Variants in LRRC9 observed in about 807,000 individuals in gnomAD.
LRRC9 encodes leucine rich repeat containing 9.
Under a neutral mutation model 63.2 loss-of-function variants are expected in LRRC9, and 122 were observed. That is an observed-to-expected ratio of 1.93 (90% CI 1.67 to 2.24). The LOEUF (loss-of-function observed/expected upper bound fraction) is 2.24, where lower values mean the gene tolerates loss of function less well. LRRC9 is among the 30% of genes most tolerant of loss of function. LRRC9 has a pLI of 0.00. For missense variants in LRRC9, 1,071 were observed against 627.7 expected, an observed-to-expected ratio of 1.71 and a Z score of -7.55; for synonymous variants, 366 against 213.1, an observed-to-expected ratio of 1.72 and a Z score of -6.25.
intron 8 of LRRC9, among the ~76,000 whole-genome samples, chr14:59,954,952 A>AT (rs1883572487): frequency 1.3e-5 from 2 of 152,090 alleles, no homozygotes; most frequent in Non-Finnish European, 2.9e-5. Flanking sequence ...ATGTGTATTG[A>AT]TTTGCTTATG....
intron 28 of LRRC9, chr14:60,030,478 C>A (rs1460401971): frequency 6.6e-6 from 1 of 152,062 alleles, no homozygotes; most frequent in South Asian, 2.1e-4. Context: ...CCCTACCTGG[C>A]ATCCAGCTAC....
In LRRC9 at chr14:59,969,135, T is replaced by C. The variant is rs532252411; in HGVS notation, c.1506+1922T>C. ...TTGATATTTTATTTTGATATTTTGATATTTTATTTTGAAAGTTTTAAATAT... is the reference window on the plus strand; with the variant it reads ...TTGATATTTTATTTTGATATTTTGACATTTTATTTTGAAAGTTTTAAATAT... On this transcript the variant is annotated intron_variant, in intron 12 of 31. Transcript: ENST00000445360. 5.9e-5 allele frequency: 9 copies of C among 152,358 alleles called. No individual in the cohort carries two copies. The South Asian group carries it at 1.2e-3, about 21-fold the overall frequency. 9.4% of individuals were successfully genotyped at this position (152,358 alleles called of 1,614,324 possible). A position where few individuals can be genotyped will look rare whatever the true frequency, so the allele number is the denominator to read the frequency against.
exon 31 of LRRC9, chr14:60,057,902 A>G: frequency 1.5e-6 from 1 of 687,772 alleles, no homozygotes; most frequent in Non-Finnish European, 2.7e-6. Context: ...CCACTCTCCT[A>G]TGGATGGCAG....
At chr14:59,999,739 C>T (rs1355722774) in intron 19 of LRRC9, among the ~76,000 whole-genome samples, 1 of 152,004 alleles carries the variant, frequency 6.6e-6, no homozygotes, top group Non-Finnish European at 1.5e-5. Flanking sequence ...CTCTAGTTTT[C>T]TAGTTGTTTA....
intron 29 of LRRC9, among the ~76,000 whole-genome samples, chr14:60,035,477 A>G (rs193199825): frequency 9.5e-4 from 144 of 152,284 alleles, no homozygotes; most frequent in Non-Finnish European, 1.7e-3. Flanking sequence ...TCATAGTTTC[A>G]GGTCTTAGAT....
intron 8 of LRRC9, among the ~76,000 whole-genome samples, chr14:59,953,035 C>T (rs1215382468): frequency 1.3e-5 from 2 of 152,216 alleles, no homozygotes; most frequent in Non-Finnish European, 2.9e-5. Flanking sequence ...ATATGTGCCA[C>T]ATTTTCTTTA....
exon 17 of LRRC9, chr14:59,985,170 A>G: frequency 1.4e-6 from 1 of 693,984 alleles, no homozygotes; most frequent in Non-Finnish European, 2.6e-6. Context: ...CAGGACTTCG[A>G]AAACTAAACA....
chr14:59,928,236 GGTAA>G (rs1471030215), intron 2 of LRRC9, 28 bp from the exon 3 acceptor site: 9 of 563,326 alleles, frequency 1.6e-5, no homozygotes, highest in Admixed American at 3.5e-5. Context: ...ATTTAAAATA[GGTAA>G]TGACCAAATT....
rs978954975 is a variant in LRRC9 at position 60,012,951 on chromosome 14, TA to T, written c.3187-3708del. Among the ~76,000 whole-genome samples the T allele has an allele frequency of 7.5e-4, 114 of 151,452 alleles. 2 individuals are homozygous for T. The highest frequency in any genetic ancestry group is 4.2e-3 in the East Asian group (22 of 5,184). ...TTTTGTACAATTTTATTTATTTATT[TA>T]TTTTTTTAATTTTATTATTATTATA... On this transcript the variant is annotated intron_variant, in intron 23 of 31. Transcript: ENST00000445360.
chr14:59,984,661 T>G (rs1161091983), intron 16 of LRRC9, among the ~76,000 whole-genome samples: 1 of 152,184 alleles, frequency 6.6e-6, no homozygotes, highest in Admixed American at 6.6e-5. Flanking sequence ...CCCTCAGCTT[T>G]TCTTCTTTGG....
At chr14:60,046,310 A>G (rs1893421248) in intron 29 of LRRC9, among the ~76,000 whole-genome samples, 1 of 152,110 alleles carries the variant, frequency 6.6e-6, no homozygotes, top group African/African-American at 2.4e-5. Context: ...CTTTTGTTGC[A>G]ATTGCTTTTG....
At chr14:60,035,716 C>T (rs1892372333) in intron 29 of LRRC9, among the ~76,000 whole-genome samples, 1 of 152,116 alleles carries the variant, frequency 6.6e-6, no homozygotes, top group Non-Finnish European at 1.5e-5. Context: ...TTTTTAATGC[C>T]AGCTCCATGG....
chr14:59,954,387 G>T (rs1260825302), intron 8 of LRRC9, among the ~76,000 whole-genome samples: 1 of 152,078 alleles, frequency 6.6e-6, no homozygotes, highest in Non-Finnish European at 1.5e-5. Context: ...TCTCTTATAA[G>T]TTGTATTCCT....
chr14:60,032,907 C>T (rs1466902092), intron 29 of LRRC9, among the ~76,000 whole-genome samples: 1 of 152,064 alleles, frequency 6.6e-6, no homozygotes, highest in Non-Finnish European at 1.5e-5. Context: ...AGGGCCACAT[C>T]ATAGAGCTAC....
rs541994406 is a variant in LRRC9 at position 60,053,992 on chromosome 14, C to T, written c.4131+787C>T. The T allele has an allele frequency of 6.2e-5, 27 of 433,050 alleles. No individual in the cohort carries two copies. The East Asian group carries it at 7.1e-4, about 11-fold the overall frequency. 26.8% of individuals were successfully genotyped at this position (433,050 alleles called of 1,614,324 possible). The stretch of plus-strand genomic sequence containing the variant: ...AGAGATGTTATGAAGACCTGGACCA[C>T]GGTAGAGAATATAAATGAATCTTTG... On this transcript the variant is annotated intron_variant, in intron 30 of 31. Transcript: ENST00000445360. The surrounding 1 kb of genome is among the most constrained non-coding windows in gnomAD (Gnocchi z 4.8).
intron 3 of LRRC9, 83 bp downstream of exon 3, chr14:59,928,569 C>T: frequency 1.9e-6 from 1 of 522,410 alleles, no homozygotes; most frequent in South Asian, 3.4e-5. Flanking sequence ...GAAATATATG[C>T]ATAAGGCATG....
chr14:60,049,611 G>A (rs1277219732), intron 29 of LRRC9, among the ~76,000 whole-genome samples: 1 of 152,180 alleles, frequency 6.6e-6, no homozygotes, highest in Non-Finnish European at 1.5e-5. Context: ...GATTTCTGCT[G>A]AAAGGTATGC....
intron 6 of LRRC9, among the ~76,000 whole-genome samples, chr14:59,934,204 T>C (rs929548578): frequency 6.6e-6 from 1 of 152,068 alleles, no homozygotes; most frequent in African/African-American, 2.4e-5. Context: ...AGAGACATTA[T>C]GGTTGTTGAA....
exon 3 of LRRC9, chr14:59,928,269 G>C (rs1417419034): frequency 8.5e-6 from 5 of 586,266 alleles, no homozygotes; most frequent in Non-Finnish European, 1.5e-5. Flanking sequence ...TTAAAACAGT[G>C]TTTGTGCAAT....
Sources: gnomAD v4.1 joint callset for allele counts (sites outside exome capture counted in the v4.1 genomes callset) on GRCh38, gnomAD v4.1.1 for gene constraint, Gnocchi (gnomAD v3.1) non-coding constraint, MANE v1.5 for transcripts, NCBI Gene and HGNC (gene_info 2026-07-23, HGNC 2026-07-21) for gene names.